Variants in WDFY4 observed in about 807,000 individuals in gnomAD.
WDFY4 encodes WD repeat- and FYVE domain-containing protein 4.
A neutral mutation model predicts 351.9 loss-of-function variants in WDFY4; 169 were observed. The observed-to-expected ratio is 0.48, with a 90% CI of 0.42 to 0.55. The LOEUF is 0.55. WDFY4 is among the 20% of genes least tolerant of loss of function. The probability of loss-of-function intolerance (pLI) is 0.00; values close to 1 mark genes in which losing one functional copy is unlikely to be tolerated. For synonymous variants in WDFY4, 1,622 were observed against 1,574.6 expected (o/e 1.03, Z -0.71); for missense variants, 3,803 against 3,935.6 (o/e 0.97, Z 0.90).
chr10:48,742,615 A>T (rs934250067), intron 11 of WDFY4, among the ~76,000 whole-genome samples: 1 of 152,214 alleles, frequency 6.6e-6, no homozygotes, highest in East Asian at 1.9e-4. Flanking sequence ...AAGTAGCTGC[A>T]GTAGAGTATG....
chr10:48,827,959 C>T (rs935917684), intron 36 of WDFY4, among the ~76,000 whole-genome samples: 2 of 151,740 alleles, frequency 1.3e-5, no homozygotes, highest in Non-Finnish European at 2.9e-5. Context: ...TAAAGAGGAG[C>T]AGAATGACAA....
chr10:48,904,446 A>C (rs963837788), intron 47 of WDFY4, among the ~76,000 whole-genome samples: 11 of 152,224 alleles, frequency 7.2e-5, no homozygotes, highest in African/African-American at 2.7e-4. Context: ...AACTAATTGA[A>C]GCAAAAAAGA....
chr10:48,703,470 G>A (rs550419290), intron 1 of WDFY4, among the ~76,000 whole-genome samples: 2 of 152,344 alleles, frequency 1.3e-5, no homozygotes, highest in East Asian at 3.9e-4. Context: ...TGCAGAGGCT[G>A]ACAAGAAATG....
chr10:48,910,785 G>A, intron 47 of WDFY4: 1 of 327,968 alleles, frequency 3.0e-6, no homozygotes, highest in South Asian at 1.2e-4. Context: ...GGCCAGCCAA[G>A]CAGTTGGCAG....
At position 48,798,820 on chromosome 10, in the gene WDFY4, G is replaced by A. The variant is rs139754184; in HGVS notation, c.4410+2370G>A. Among the ~76,000 whole-genome samples the A allele has an allele frequency of 2.1e-3, 315 of 152,276 alleles. 1 individual carries two copies. The highest frequency in any genetic ancestry group is 7.3e-3 in the African/African-American group (304 of 41,544). ...AGGCTAATCTTATTTGTAAATATAG[G>A]CATAAGAGCCCTAAATATGAGATTA... On this transcript the variant is annotated intron_variant, in intron 24 of 61. Transcript: ENST00000325239.
intron 51 of WDFY4, 129 bp downstream of exon 51, chr10:48,947,098 G>C: frequency 1.3e-6 from 1 of 751,060 alleles, no homozygotes; most frequent in Non-Finnish European, 2.1e-6. Context: ...TCATTAGCCA[G>C]TGATTCCCAG....
chr10:48,849,393 A>G lies in WDFY4; in HGVS notation c.6663+16684A>G, dbSNP rs78340648. Among the ~76,000 whole-genome samples the G allele has an allele frequency of 3.9e-3, 593 of 152,322 alleles. 5 individuals are homozygous for G. The highest frequency in any genetic ancestry group is 0.014 in the African/African-American group (571 of 41,564). Reference sequence around the variant, plus strand: ...CAGCTTTTCCACCATTTTGTACATCAATCAGTCTTTCTTTGTTAAGTACCA... The same window carrying G: ...CAGCTTTTCCACCATTTTGTACATCGATCAGTCTTTCTTTGTTAAGTACCA... On this transcript the variant is annotated intron_variant, in intron 39 of 61. Coordinates refer to ENST00000325239, the MANE Select transcript of WDFY4 (RefSeq NM_001394531.1).
In WDFY4 at chr10:48,803,345, C is replaced by T; in HGVS notation, c.4470C>T (p.Ile1490=). 1 of 1,551,986 alleles carries T rather than the reference C, an allele frequency of 6.4e-7. No individual in the cohort carries two copies. The highest frequency in any genetic ancestry group is 1.4e-5 in the African/African-American group (1 of 73,174). Residue 1490 remains isoleucine, a synonymous_variant, in exon 25 of 62, where the codon ATC becomes ATT. Transcript: ENST00000325239. ...GCCTCTTTTCCCATCTTTTGGAAAT[C>T]CTTCAATCACCAAGGTAGGCTGGGT... ...ELSLFSHLLE[I]LQSPREGPRN... is the part of the protein sequence containing the mutation.
At chr10:48,923,872 A>G (rs1285793285) in intron 47 of WDFY4, among the ~76,000 whole-genome samples, 2 of 152,242 alleles carry the variant, frequency 1.3e-5, no homozygotes, top group Admixed American at 6.5e-5. Context: ...TGGCTTAGAG[A>G]GAATCCTGGA....
chr10:48,763,053 A>G (rs931317615), intron 13 of WDFY4, among the ~76,000 whole-genome samples: 2 of 152,224 alleles, frequency 1.3e-5, no homozygotes, highest in African/African-American at 4.8e-5. Context: ...CCCATCTTGT[A>G]GCCCGTGAAT....
intron 60 of WDFY4, among the ~76,000 whole-genome samples, chr10:48,980,951 TG>T (rs1842780471): frequency 1.3e-5 from 2 of 152,360 alleles, no homozygotes; most frequent in African/African-American, 4.8e-5. Context: ...TAAGATAAGT[TG>T]ATAATGCCGA....
intron 12 of WDFY4, among the ~76,000 whole-genome samples, chr10:48,751,193 A>G (rs1376160507): frequency 6.6e-6 from 1 of 152,158 alleles, no homozygotes; most frequent in Non-Finnish European, 1.5e-5. Flanking sequence ...AAGTGCACCT[A>G]ATGAAGTCTG....
intron 47 of WDFY4, among the ~76,000 whole-genome samples, chr10:48,922,863 A>G (rs1038094139): frequency 2.2e-4 from 33 of 152,242 alleles, no homozygotes; most frequent in Non-Finnish European, 4.6e-4. Flanking sequence ...GAACAAATCT[A>G]TGGTTGCAGG....
At chr10:48,698,029 G>T (rs2063377843) in intron 1 of WDFY4, among the ~76,000 whole-genome samples, 1 of 152,168 alleles carries the variant, frequency 6.6e-6, no homozygotes, top group Non-Finnish European at 1.5e-5. Context: ...CTGTGCCCCA[G>T]CTCTTGAGAT....
chr10:48,830,602 AG>A, intron 37 of WDFY4, 97 bp from the exon 38 acceptor site: 1 of 1,317,800 alleles, frequency 7.6e-7, no homozygotes, highest in Non-Finnish European at 1.0e-6. Context: ...TTAAGTGAGA[AG>A]GGTGTGGGTA....
chr10:48,929,794 G>A lies in WDFY4; in HGVS notation c.7587-12012G>A, dbSNP rs114087105. On this transcript the variant is annotated intron_variant, in intron 47 of 61. Transcript: ENST00000325239. ...CAGCTGCTCCACCACAGCCTCTTCC[G>A]GCTGGGCTGACAGCCTTGGCCTCCT... Among the ~76,000 whole-genome samples, 1,403 of 152,142 alleles carry A rather than the reference G, an allele frequency of 9.2e-3. 20 individuals are homozygous for A. The highest frequency in any genetic ancestry group is 0.031 in the African/African-American group (1,300 of 41,512).
At chr10:48,810,268 C>T (rs1473315691) in intron 28 of WDFY4, among the ~76,000 whole-genome samples, 1 of 152,152 alleles carries the variant, frequency 6.6e-6, no homozygotes, top group East Asian at 1.9e-4. Flanking sequence ...GCATTTTTAC[C>T]TATATGAATA....
chr10:48,700,979 A>G (rs1471313973), intron 1 of WDFY4, among the ~76,000 whole-genome samples: 1 of 152,208 alleles, frequency 6.6e-6, no homozygotes, highest in East Asian at 1.9e-4. Flanking sequence ...GTTCAGTGGC[A>G]TTGAGTATAT....
intron 31 of WDFY4, among the ~76,000 whole-genome samples, chr10:48,817,023 G>C (rs1274625138): frequency 6.6e-6 from 1 of 152,202 alleles, no homozygotes; most frequent in Non-Finnish European, 1.5e-5. Context: ...GAGGGTTGTT[G>C]TGGGGTGAGA....
Sources: allele counts gnomAD v4.1 joint callset (sites outside exome capture counted in the v4.1 genomes callset), GRCh38; gene constraint gnomAD v4.1.1; transcripts MANE v1.5; gene names NCBI Gene and HGNC (gene_info 2026-07-23, HGNC 2026-07-21).